ZKSCAN3: variants seen among roughly 807,000 people sequenced by gnomAD.
The protein encoded by ZKSCAN3 is zinc finger with KRAB and SCAN domains 3, also known as zinc finger protein with KRAB and SCAN domains 3.
In ZKSCAN3, 21 loss-of-function variants were observed where a neutral mutation model predicts 30.7. That is an observed-to-expected ratio of 0.68 (90% CI 0.49 to 0.99). ZKSCAN3 has a LOEUF of 0.99. ZKSCAN3 is among the 50% of genes least tolerant of loss of function. ZKSCAN3 has a pLI of 0.00. For missense variants in ZKSCAN3, 507 were observed against 647.1 expected (o/e 0.78, Z 2.35); for synonymous variants, 201 against 246.7 (o/e 0.81, Z 1.73).
intron 4 of ZKSCAN3, 145 bp from the exon 5 acceptor site, chr6:28,363,547 A>G: frequency 2.2e-6 from 3 of 1,366,174 alleles, no homozygotes; most frequent in Non-Finnish European, 3.0e-6. Context: ...GTTTATCATT[A>G]ACTTTATTTA....
rs757683465 is a variant in ZKSCAN3 at position 28,363,729 on chromosome 6, C to G, written c.671C>G (p.Thr224Ser). Residue 224 changes from threonine (T) to serine (S), a missense_variant, in exon 5 of 6, where the codon ACC becomes AGC. Physicochemically the swap from Thr to Ser is moderately conservative, Grantham distance 58. Transcript: ENST00000252211. ...LKVEDVALTLTPEWTQQDSSQ... is the reference protein window; with the variant it reads ...LKVEDVALTLSPEWTQQDSSQ... Reference sequence around the variant, plus strand: ...GTGGAAGATGTGGCCCTGACCCTCACCCCTGAATGGACACAGCAGGATTCA... The same window carrying G: ...GTGGAAGATGTGGCCCTGACCCTCAGCCCTGAATGGACACAGCAGGATTCA... 1.9e-6 allele frequency: 3 copies of G among 1,613,902 alleles called. No homozygotes were observed. Among genetic ancestry groups the G allele is most frequent in the African/African-American group, 1.3e-5 (1 of 74,880 alleles).
Position 28,363,318 on chromosome 6 carries a change from T to G in ZKSCAN3, c.566T>G (p.Val189Gly). The change falls in exon 4 of 6, where the codon GTG becomes GGG. Residue 189 changes from valine to glycine, a missense_variant. Transcript: ENST00000252211. ...TCCTTCTTAGTTCTCCAGGTCCCCG[T>G]GCTTGCCCATGGAGGATGCTGCAGA... ...PLQDRVLQVP[V>G]LAHGGCCRED... is the part of the protein sequence containing the mutation. The G allele has an allele frequency of 6.2e-7, 1 of 1,614,092 alleles. No individual in the cohort carries two copies. Among genetic ancestry groups the G allele is most frequent in the Non-Finnish European group, 8.5e-7 (1 of 1,179,958 alleles).
chr6:28,365,730 C>T lies in ZKSCAN3; in HGVS notation c.1062C>T (p.Ser354=). ...CEECGKAFIG[S]SALVIHQRVH... ...AGTGTGGCAAAGCCTTCATTGGGAG[C>T]TCTGCCCTTGTCATTCATCAGAGAG... is the stretch of plus-strand genomic sequence containing the variant. The change falls in exon 6 of 6, where the codon AGC becomes AGT. Residue 354 remains serine (S), a synonymous_variant. Transcript: ENST00000252211. 4 of 1,613,660 alleles carry T rather than the reference C, an allele frequency of 2.5e-6. No individual in the cohort carries two copies. The highest frequency in any genetic ancestry group is 3.4e-6 in the Non-Finnish European group (4 of 1,179,784).
chr6:28,363,038 A>G (rs913128824), intron 3 of ZKSCAN3, among the ~76,000 whole-genome samples: 1 of 152,172 alleles, frequency 6.6e-6, no homozygotes, highest in East Asian at 1.9e-4. Context: ...ATAGGATTGG[A>G]GCTGGTAGGG....
chr6:28,363,452 C>A, intron 4 of ZKSCAN3, 67 bp downstream of exon 4: 1 of 1,477,940 alleles, frequency 6.8e-7, no homozygotes, highest in African/African-American at 1.4e-5. Context: ...GAAGACTCCT[C>A]ACTCCCCATT....
intron 1 of ZKSCAN3, among the ~76,000 whole-genome samples, chr6:28,356,868 A>C (rs1008792512): frequency 6.6e-6 from 1 of 152,240 alleles, no homozygotes; most frequent in African/African-American, 2.4e-5. Context: ...CTGTGGCTGC[A>C]TAGCCGCTCC....
At chr6:28,350,112 T>TGTGTGTGTGTGTGTGTGTG (rs1439462758) in intron 1 of ZKSCAN3, 45 bp downstream of exon 1, 1 of 99,400 alleles carries the variant, frequency 1.0e-5, no homozygotes, top group South Asian at 3.4e-4. Flanking sequence ...GTGTGTGTGT[T>TGTGTGTGTGTGTGTGTGTG]TGTGGAGAGA....
chr6:28,368,808 G>T lies in ZKSCAN3; in HGVS notation c.*2523G>T, dbSNP rs1006093258. 1.3e-5 allele frequency: 2 copies of T among 154,782 alleles called. No homozygotes were observed. Among genetic ancestry groups the T allele is most frequent in the Non-Finnish European group, 1.5e-5 (1 of 68,200 alleles). 9.6% of individuals were successfully genotyped at this position (154,782 alleles called of 1,614,324 possible). ...TTTGTTAGTATCACTTCTACTTATT[G>T]TAGAAATATGCTTTCATTATTGCAT... On this transcript the variant is annotated 3_prime_UTR_variant, in exon 6 of 6. Coordinates refer to ENST00000252211, the MANE Select transcript of ZKSCAN3 (RefSeq NM_024493.4).
chr6:28,353,451 GGCTCTCTTT>G (rs1283369538), intron 1 of ZKSCAN3: 1 of 161,100 alleles, frequency 6.2e-6, no homozygotes, highest in Non-Finnish European at 1.4e-5. Flanking sequence ...TTCTGGGATA[GGCTCTCTTT>G]CAGAATATCT....
Position 28,351,780 on chromosome 6 carries a change from C to T in ZKSCAN3, c.-63+1713C>T, listed in dbSNP as rs1025520775. On this transcript the variant is annotated intron_variant, in intron 1 of 5. Coordinates refer to ENST00000252211, the MANE Select transcript of ZKSCAN3 (RefSeq NM_024493.4). The surrounding 1 kb of genome is among the most constrained non-coding windows in gnomAD (Gnocchi z 4.6). ...TTTTTTTTCCTCATTTCGTCCCTCT[C>T]TTCTCTTTCATTTTATAGCAAATTG... is the stretch of plus-strand genomic sequence containing the variant. Among the ~76,000 whole-genome samples, 3 of 151,584 alleles carry T rather than the reference C, an allele frequency of 2.0e-5. No individual in the cohort carries two copies. The highest frequency in any genetic ancestry group is 4.4e-5 in the Non-Finnish European group (3 of 67,992).
chr6:28,363,405 C>A lies in ZKSCAN3; in HGVS notation c.633+20C>A, dbSNP rs1343760829. Reference sequence around the variant, plus strand: ...TCCCAGGTGAGCTGGAGCCCTATCCCTCCCCCAATGCCCCTCACTACTATT... The same window carrying A: ...TCCCAGGTGAGCTGGAGCCCTATCCATCCCCCAATGCCCCTCACTACTATT... On this transcript the variant is annotated intron_variant, in intron 4 of 5. Coordinates refer to ENST00000252211, the MANE Select transcript of ZKSCAN3 (RefSeq NM_024493.4). The A allele has an allele frequency of 1.2e-6, 2 of 1,608,176 alleles. No individual in the cohort carries two copies. The highest frequency in any genetic ancestry group is 1.7e-6 in the Non-Finnish European group (2 of 1,175,488).
At chr6:28,355,732 G>A (rs534527895) in intron 1 of ZKSCAN3, 5 of 152,308 alleles carry the variant, frequency 3.3e-5, no homozygotes, top group African/African-American at 1.2e-4. Flanking sequence ...CATATGTTGG[G>A]GCTATGCATA....
intron 5 of ZKSCAN3, among the ~76,000 whole-genome samples, chr6:28,364,858 G>T (rs566337620): frequency 2.6e-5 from 4 of 152,118 alleles, no homozygotes; most frequent in Non-Finnish European, 5.9e-5. Flanking sequence ...CTCCTGAGTA[G>T]CTGGGATTAT....
At position 28,366,273 on chromosome 6, in the gene ZKSCAN3, C is replaced by A; in HGVS notation, c.1605C>A (p.Ile535=). The change falls in exon 6 of 6, where the codon ATC becomes ATA. Residue 535 remains isoleucine, a synonymous_variant. Transcript: ENST00000252211. ...AGAGAAGCCATGTAGGGAAAAACAT[C>A]CTATCACAGTGACCCATGCCATACA... ...QHQRSHVGKN[I]LSQ is the part of the protein sequence containing the mutation. The A allele has an allele frequency of 6.5e-7, 1 of 1,529,590 alleles. No homozygotes were observed. The highest frequency in any genetic ancestry group is 8.7e-7 in the Non-Finnish European group (1 of 1,144,502). The allele number at this position is 1,529,590 out of a possible 1,614,324, so 94.8% of individuals were successfully genotyped here.
At position 28,359,626 on chromosome 6, in the gene ZKSCAN3, C is replaced by T; in HGVS notation, c.40C>T (p.Gln14Ter). 6.2e-7 allele frequency: 1 copy of T among 1,614,246 alleles called. No individual in the cohort carries two copies. The highest frequency in any genetic ancestry group is 1.3e-5 in the African/African-American group (1 of 75,068). Residue 14 changes from glutamine (Q) to a stop codon, truncating the protein, a stop_gained, in exon 2 of 6, where the codon CAG (glutamine) becomes TAG (stop). Coordinates refer to ENST00000252211, the MANE Select transcript of ZKSCAN3 (RefSeq NM_024493.4). LOFTEE classifies it high-confidence loss of function. ...ELSESTALDA[Q>*]STEDQMELLV... ...AAGTGAAAGCACAGCCCTGGATGCC[C>T]AGTCTACAGAAGACCAGATGGAGCT...
At position 28,357,794 on chromosome 6, in the gene ZKSCAN3, G is replaced by A. The variant is rs147336275; in HGVS notation, c.-62-1731G>A. Among the ~76,000 whole-genome samples the A allele has an allele frequency of 7.9e-5, 12 of 152,334 alleles. No individual in the cohort carries two copies. The East Asian group carries it at 2.3e-3, about 29-fold the overall frequency. ...CTCTCCAGGGGAAGGGCTTGGTGAT[G>A]TTTTCGGCTGCCTTGATGTTTCTGA... On this transcript the variant is annotated intron_variant, in intron 1 of 5. Coordinates refer to ENST00000252211, the MANE Select transcript of ZKSCAN3 (RefSeq NM_024493.4).
chr6:28,362,921 A>G (rs1765820470), intron 3 of ZKSCAN3, among the ~76,000 whole-genome samples: 1 of 152,172 alleles, frequency 6.6e-6, no homozygotes, highest in South Asian at 2.1e-4. Context: ...TTCAGATGGA[A>G]AGCTTTTTTG....
At chr6:28,354,186 T>C (rs554970047) in intron 1 of ZKSCAN3, 69 of 346,086 alleles carry the variant, frequency 2.0e-4, no homozygotes, top group Admixed American at 1.4e-3. Flanking sequence ...AGTTTTTCTC[T>C]CTCTCTCTGG....
chr6:28,365,778 T>A lies in ZKSCAN3; in HGVS notation c.1110T>A (p.Tyr370Ter). ...GAGTCCACACTGGTGAGAAGCCATA[T>A]GAGTGTGAAGAATGTGGTAAGGCCT... The part of the protein sequence containing the change: ...HQRVHTGEKP[Y>*]ECEECGKAFS... The change falls in exon 6 of 6, where the codon TAT becomes TAA. Residue 370 changes from tyrosine to a stop codon, truncating the protein, a stop_gained. Transcript: ENST00000252211. LOFTEE classifies it low-confidence loss of function (END_TRUNC). The A allele has an allele frequency of 6.2e-7, 1 of 1,614,176 alleles. No individual in the cohort carries two copies. The highest frequency in any genetic ancestry group is 8.5e-7 in the Non-Finnish European group (1 of 1,180,028).
Sources: gnomAD v4.1 joint callset for allele counts (sites outside exome capture counted in the v4.1 genomes callset) on GRCh38, gnomAD v4.1.1 for gene constraint, Gnocchi (gnomAD v3.1) non-coding constraint, MANE v1.5 for transcripts, NCBI Gene and HGNC (gene_info 2026-07-23, HGNC 2026-07-21) for gene names.